Variants in TGFA observed in about 807,000 individuals in gnomAD.
TGFA encodes the protein protransforming growth factor alpha.
Under a neutral mutation model 21.7 loss-of-function variants are expected in TGFA, and 12 were observed. That is an observed-to-expected ratio of 0.55 (90% CI 0.35 to 0.90). TGFA has a LOEUF of 0.90. Among genes scored for constraint, TGFA ranks in the 40% least tolerant of loss-of-function variants. The probability of loss-of-function intolerance (pLI) is 0.01; values close to 1 mark genes in which losing one functional copy is unlikely to be tolerated. For synonymous variants in TGFA, 79 were observed against 88.1 expected (o/e 0.90, Z 0.58); for missense variants, 178 against 210.8 (o/e 0.84, Z 0.96).
At chr2:70,529,596 C>CCCG (rs782795030) in intron 1 of TGFA, among the ~76,000 whole-genome samples, 3 of 136,144 alleles carry the variant, frequency 2.2e-5, no homozygotes, top group Non-Finnish European at 4.5e-5. Flanking sequence ...AATCCCCCCG[C>CCCG]CCCAGTCCTA....
At chr2:70,479,704 A>C (rs1671053032) in intron 2 of TGFA, among the ~76,000 whole-genome samples, 1 of 152,134 alleles carries the variant, frequency 6.6e-6, no homozygotes, top group Non-Finnish European at 1.5e-5. Context: ...AGCCCATTAA[A>C]AAAAATTACT....
intron 2 of TGFA, among the ~76,000 whole-genome samples, chr2:70,496,061 C>T (rs1553498302): frequency 6.6e-6 from 1 of 152,112 alleles, no homozygotes; most frequent in African/African-American, 2.4e-5. Context: ...AGCCTGGCTG[C>T]CGTGGAGATC....
intron 1 of TGFA, among the ~76,000 whole-genome samples, chr2:70,543,359 C>T (rs887060477): frequency 1.3e-5 from 2 of 151,758 alleles, no homozygotes; most frequent in Admixed American, 1.3e-4. Flanking sequence ...AAAACCCCAT[C>T]TCTACTAAAG....
At chr2:70,466,060 AT>A (rs202173215) in intron 2 of TGFA, among the ~76,000 whole-genome samples, 1 of 152,026 alleles carries the variant, frequency 6.6e-6, no homozygotes, top group East Asian at 1.9e-4. Context: ...AGTGACAGTG[AT>A]TTTTTTTTAG....
At chr2:70,550,717 G>C (rs1157805313) in intron 1 of TGFA, among the ~76,000 whole-genome samples, 1 of 152,100 alleles carries the variant, frequency 6.6e-6, no homozygotes, top group Non-Finnish European at 1.5e-5. Context: ...CCAGCTAATC[G>C]GGAGGCTGAG....
At chr2:70,529,526 C>G (rs150948505) in intron 1 of TGFA, among the ~76,000 whole-genome samples, 1 of 151,112 alleles carries the variant, frequency 6.6e-6, no homozygotes, top group African/African-American at 2.4e-5. Flanking sequence ...CTGAATAAAA[C>G]GAGGGAGCCA....
chr2:70,546,619 A>T (rs1195107539), intron 1 of TGFA, among the ~76,000 whole-genome samples: 1 of 151,902 alleles, frequency 6.6e-6, no homozygotes, highest in Non-Finnish European at 1.5e-5. Context: ...GACTACAGGC[A>T]TGCACTACCA....
chr2:70,550,636 C>A (rs1673468519), intron 1 of TGFA, among the ~76,000 whole-genome samples: 1 of 151,926 alleles, frequency 6.6e-6, no homozygotes, highest in Non-Finnish European at 1.5e-5. Flanking sequence ...CTGGCTAACA[C>A]GGTGAAACCC....
Position 70,514,984 on chromosome 2 carries a change from G to A in TGFA, c.41-72C>T, listed in dbSNP as rs1469591300. The A allele has an allele frequency of 6.2e-6, 9 of 1,455,834 alleles. No individual in the cohort carries two copies. The African/African-American group carries it at 1.3e-4, about 20-fold the overall frequency. 90.2% of individuals were successfully genotyped at this position (1,455,834 alleles called of 1,614,324 possible). On this transcript the variant is annotated intron_variant, in intron 1 of 5. Transcript: ENST00000295400. ...AATGATGTCCTCAGACGCTTAGAGG[G>A]CAGGCCCTTTGACAGGCAAAGGTTC...
At chr2:70,467,654 T>TTTGGGGGGAG (rs1670610218) in intron 2 of TGFA, 1 of 84,058 alleles carries the variant, frequency 1.2e-5, no homozygotes, top group African/African-American at 3.8e-5. Flanking sequence ...GCCCACTTAG[T>TTTGGGGGGAG]TTTTTTGGGG....
At chr2:70,485,976 C>G (rs1343452274) in intron 2 of TGFA, among the ~76,000 whole-genome samples, 1 of 152,186 alleles carries the variant, frequency 6.6e-6, no homozygotes, top group Admixed American at 6.5e-5. Flanking sequence ...ACCGAGGACT[C>G]TTCTACACTC....
intron 2 of TGFA, among the ~76,000 whole-genome samples, chr2:70,512,245 A>C (rs1672125865): frequency 6.6e-6 from 1 of 152,174 alleles, no homozygotes; most frequent in Non-Finnish European, 1.5e-5. Context: ...GGCAGGGCCA[A>C]GAGTAAATAA....
chr2:70,514,805 C>T, intron 2 of TGFA, 54 bp downstream of exon 2: 1 of 1,591,222 alleles, frequency 6.3e-7, no homozygotes, highest in Admixed American at 1.7e-5. Context: ...CACACAGCAG[C>T]AGGCCCGCTC....
At position 70,546,219 on chromosome 2, in the gene TGFA, T is replaced by C. The variant is rs560513991; in HGVS notation, c.40+7509A>G. Among the ~76,000 whole-genome samples the C allele has an allele frequency of 8.1e-5, 11 of 135,876 alleles. No homozygotes were observed. The Admixed American group carries it at 8.2e-4, about 10-fold the overall frequency. The allele number at this position is 135,876 out of a possible 152,430, so 89.1% of individuals were successfully genotyped here. A position where few individuals can be genotyped will look rare whatever the true frequency, so the allele number is the denominator to read the frequency against. ...CACTATAGATTTAATATATGCTTCTTATAAAAAATTAACCAATTCAGAGCA... is the reference window on the plus strand; with the variant it reads ...CACTATAGATTTAATATATGCTTCTCATAAAAAATTAACCAATTCAGAGCA... On this transcript the variant is annotated intron_variant, in intron 1 of 5. Coordinates refer to ENST00000295400, the MANE Select transcript of TGFA (RefSeq NM_003236.4).
chr2:70,515,839 C>A (rs1267012236), intron 1 of TGFA, among the ~76,000 whole-genome samples: 8 of 152,178 alleles, frequency 5.3e-5, no homozygotes, highest in Admixed American at 2.6e-4. Context: ...GGAACAAAGC[C>A]TCTAAGCCCC....
chr2:70,534,328 T>A (rs1490875742), intron 1 of TGFA, among the ~76,000 whole-genome samples: 4 of 152,058 alleles, frequency 2.6e-5, no homozygotes, highest in Non-Finnish European at 4.4e-5. Flanking sequence ...GAACTAAAAG[T>A]GTTAAAGTAA....
chr2:70,451,015 C>T (rs1670037411), intron 5 of TGFA, 149 bp from the exon 6 acceptor site: 1 of 913,630 alleles, frequency 1.1e-6, no homozygotes, highest in African/African-American at 1.7e-5. Flanking sequence ...TCTGCTGGTT[C>T]AGTCTCAGGG....
intron 1 of TGFA, among the ~76,000 whole-genome samples, chr2:70,535,079 A>G (rs1456313899): frequency 1.3e-5 from 2 of 152,092 alleles, no homozygotes; most frequent in East Asian, 1.9e-4. Flanking sequence ...ACCATATCTC[A>G]TAAGATTGCT....
At chr2:70,547,862 T>G (rs4852648) in intron 1 of TGFA, among the ~76,000 whole-genome samples, 56,672 of 147,458 alleles carry the variant, frequency 0.38, 11,356 homozygotes, top group East Asian at 0.57. Context: ...TATCTATATA[T>G]AGAGAGATAT....
Sources: allele counts gnomAD v4.1 joint callset (sites outside exome capture counted in the v4.1 genomes callset), GRCh38; gene constraint gnomAD v4.1.1; transcripts MANE v1.5; gene names NCBI Gene and HGNC (gene_info 2026-07-23, HGNC 2026-07-21).